RAD54L2: variants seen among roughly 807,000 people sequenced by gnomAD.
RAD54L2 encodes the protein RAD54 like 2.
A neutral mutation model predicts 138.4 loss-of-function variants in RAD54L2; 27 were observed. The ratio of observed to expected loss-of-function variants is 0.20; its 90% CI spans 0.14 to 0.27. RAD54L2 has a LOEUF of 0.27. RAD54L2 is among the 10% of genes least tolerant of loss of function. RAD54L2 has a pLI of 1.00. For synonymous variants in RAD54L2, 644 were observed against 723.2 expected (o/e 0.89, Z 1.76); for missense variants, 1,396 against 1,890.2 (o/e 0.74, Z 4.85).
chr3:51,562,451 A>G (rs971525509), intron 2 of RAD54L2, among the ~76,000 whole-genome samples: 1 of 152,138 alleles, frequency 6.6e-6, no homozygotes, highest in South Asian at 2.1e-4. Flanking sequence ...GCTGGTTTTG[A>G]ACTCTGGACC....
Position 51,662,437 on chromosome 3 carries a change from C to CAAAG in RAD54L2, c.3421_3422insAAAG (p.Pro1141GlnfsTer23). ...CATTTTGTCCCCAGGTTCCCAGGGA[C>CAAAG]CTTCTTGCGAGTCCACAAGCAACGG... On this transcript the variant is annotated frameshift_variant, in exon 23 of 23. Transcript: ENST00000684192. LOFTEE classifies it high-confidence loss of function. This position sits in a 1 kb window ranked among gnomAD's most constrained non-coding sequence, Gnocchi z 4.6. The CAAAG allele has an allele frequency of 6.6e-7, 1 of 1,524,172 alleles. No homozygotes were observed. The highest frequency in any genetic ancestry group is 8.8e-7 in the Non-Finnish European group (1 of 1,134,144). The allele number at this position is 1,524,172 out of a possible 1,614,324, so 94.4% of individuals were successfully genotyped here. A position where few individuals can be genotyped will look rare whatever the true frequency, so the allele number is the denominator to read the frequency against.
chr3:51,622,419 A>G (rs1000457417), intron 3 of RAD54L2, among the ~76,000 whole-genome samples: 1 of 151,912 alleles, frequency 6.6e-6, no homozygotes, highest in African/African-American at 2.4e-5. Flanking sequence ...TGACATTTTA[A>G]CCTCTTGTTT....
intron 3 of RAD54L2, among the ~76,000 whole-genome samples, chr3:51,602,997 T>A (rs1468893344): frequency 6.6e-6 from 1 of 151,984 alleles, no homozygotes; most frequent in Non-Finnish European, 1.5e-5. Flanking sequence ...TCCAGCTAAT[T>A]TTTAAAAAAC....
chr3:51,636,880 C>A (rs569208488), intron 10 of RAD54L2, among the ~76,000 whole-genome samples: 1 of 151,918 alleles, frequency 6.6e-6, no homozygotes, highest in East Asian at 1.9e-4. Flanking sequence ...TTGCAGTGAG[C>A]GGAGATTGCG....
In RAD54L2 at chr3:51,663,475, T is replaced by C; in HGVS notation, c.*55T>C. The C allele has an allele frequency of 6.4e-7, 1 of 1,551,846 alleles. No homozygotes were observed. The highest frequency in any genetic ancestry group is 8.8e-7 in the Non-Finnish European group (1 of 1,141,252). On this transcript the variant is annotated 3_prime_UTR_variant, in exon 23 of 23. Coordinates refer to ENST00000684192, the MANE Select transcript of RAD54L2 (RefSeq NM_015106.4). ...GCCCCCAGCAGGTTGCCCACCAAGC[T>C]GAAAGGCAGTGATTTAGACCTTTTG...
chr3:51,637,359 T>A lies in RAD54L2; in HGVS notation c.1538T>A (p.Phe513Tyr). The A allele has an allele frequency of 6.2e-7, 1 of 1,613,722 alleles. No individual in the cohort carries two copies. The highest frequency in any genetic ancestry group is 1.7e-5 in the Admixed American group (1 of 60,000). The part of the protein sequence containing the change: ...WCMVDFVRPD[F>Y]LGTRQEFSNM... ...ATGGTGGACTTTGTGCGCCCAGACT[T>A]CCTTGGCACCCGGCAGGAGTTCAGC... Residue 513 changes from phenylalanine to tyrosine, a missense_variant, in exon 11 of 23, where the codon TTC becomes TAC. By Grantham distance (22) the Phe-to-Tyr change is conservative. Transcript: ENST00000684192. This position sits in a 1 kb window ranked among gnomAD's most constrained non-coding sequence, Gnocchi z 5.9.
At chr3:51,608,346 C>T (rs909545707) in intron 3 of RAD54L2, among the ~76,000 whole-genome samples, 7 of 145,420 alleles carry the variant, frequency 4.8e-5, no homozygotes, top group African/African-American at 1.8e-4. Context: ...TCACAGACTG[C>T]GCCGCTGGGC....
chr3:51,589,683 T>TAC (rs34544597), intron 2 of RAD54L2, among the ~76,000 whole-genome samples: 76,697 of 144,622 alleles, frequency 0.53, 20,289 homozygotes, highest in East Asian at 0.72. Flanking sequence ...TATATATATA[T>TAC]ACACACACAC....
chr3:51,611,196 C>T (rs1700318006), intron 3 of RAD54L2, among the ~76,000 whole-genome samples: 1 of 151,234 alleles, frequency 6.6e-6, no homozygotes, highest in Non-Finnish European at 1.5e-5. Flanking sequence ...TCACTTGAAT[C>T]CTTTGGCAGT....
At chr3:51,643,031 C>CT (rs1212581275) in intron 15 of RAD54L2, among the ~76,000 whole-genome samples, 1,930 of 113,140 alleles carry the variant, frequency 0.017, 54 homozygotes, top group African/African-American at 0.026. Flanking sequence ...TAACTGAAGT[C>CT]TTTTTTTTTT....
intron 5 of RAD54L2, among the ~76,000 whole-genome samples, 172 bp downstream of exon 5, chr3:51,629,645 G>A (rs1005898671): frequency 2.6e-5 from 4 of 152,002 alleles, no homozygotes; most frequent in Admixed American, 1.3e-4. Flanking sequence ...GATTGCCTGA[G>A]TTCAGGAGTT....
intron 3 of RAD54L2, among the ~76,000 whole-genome samples, chr3:51,591,035 A>G (rs1699828891): frequency 6.6e-6 from 1 of 152,232 alleles, no homozygotes; most frequent in South Asian, 2.1e-4. Flanking sequence ...TCACAACTTC[A>G]GAAAGCTCAC....
intron 3 of RAD54L2, among the ~76,000 whole-genome samples, chr3:51,625,234 C>A (rs933418019): frequency 1.3e-5 from 2 of 152,090 alleles, no homozygotes; most frequent in Non-Finnish European, 2.9e-5. Context: ...CCCTGACCAA[C>A]GTGGAGAAAC....
At chr3:51,601,465 G>A (rs1700078681) in intron 3 of RAD54L2, among the ~76,000 whole-genome samples, 1 of 151,184 alleles carries the variant, frequency 6.6e-6, no homozygotes, top group Admixed American at 6.6e-5. Context: ...GTGCCACCAC[G>A]CCCTGCTAAT....
At chr3:51,558,337 T>G (rs1699021007) in intron 2 of RAD54L2, among the ~76,000 whole-genome samples, 1 of 152,186 alleles carries the variant, frequency 6.6e-6, no homozygotes, top group Non-Finnish European at 1.5e-5. Context: ...TTTAAAAAAT[T>G]TCTTAGATGT....
At chr3:51,578,890 G>A (rs1240923076) in intron 2 of RAD54L2, among the ~76,000 whole-genome samples, 2 of 152,160 alleles carry the variant, frequency 1.3e-5, no homozygotes, top group Admixed American at 1.3e-4. Context: ...TTCTTGTTCG[G>A]TATCCAGGAA....
intron 19 of RAD54L2, among the ~76,000 whole-genome samples, chr3:51,651,129 A>G (rs1325799900): frequency 6.6e-6 from 1 of 152,222 alleles, no homozygotes; most frequent in African/African-American, 2.4e-5. Flanking sequence ...ACGGAAATAC[A>G]AACTAGCATC....
intron 2 of RAD54L2, among the ~76,000 whole-genome samples, chr3:51,556,899 TGTC>T (rs1698982389): frequency 6.6e-6 from 1 of 152,006 alleles, no homozygotes; most frequent in Non-Finnish European, 1.5e-5. Context: ...AATCCTTTGT[TGTC>T]TGGCTTGGTC....
At position 51,646,321 on chromosome 3, in the gene RAD54L2, A is replaced by C; in HGVS notation, c.2866A>C (p.Lys956Gln). The C allele has an allele frequency of 6.2e-7, 1 of 1,603,048 alleles. No individual in the cohort carries two copies. Among genetic ancestry groups the C allele is most frequent in the Non-Finnish European group, 8.5e-7 (1 of 1,175,010 alleles). ...GCATGAGTCATTGCTCTTGAACCGA[A>C]AGGATCACAAGCTAACCAAGGCTGA... is the stretch of plus-strand genomic sequence containing the variant. ...FEHESLLLNRKDHKLTKAEKK... is the reference protein window; with the variant it reads ...FEHESLLLNRQDHKLTKAEKK... The change falls in exon 19 of 23, where the codon AAG (lysine) becomes CAG (glutamine). Residue 956 changes from lysine (K) to glutamine (Q), a missense_variant. By Grantham distance (53) the Lys-to-Gln change is moderately conservative (BLOSUM62 1). This residue lies in a region of RAD54L2 where 634 missense variants were observed against 711.2 expected (regional missense o/e 0.89). Transcript: ENST00000684192.
Sources: gnomAD v4.1 joint callset for allele counts (sites outside exome capture counted in the v4.1 genomes callset) on GRCh38, gnomAD v4.1.1 for gene constraint, gnomAD v4.1.1 regional missense constraint, Gnocchi (gnomAD v3.1) non-coding constraint, MANE v1.5 for transcripts, NCBI Gene and HGNC (gene_info 2026-07-23, HGNC 2026-07-21) for gene names.